The following ATP1A4 variants were observed in gnomAD, a reference collection of about 807,000 sequenced individuals.
ATP1A4 encodes ATPase Na+/K+ transporting subunit alpha 4, also known as sodium/potassium-transporting ATPase subunit alpha-4.
ATP1A4 carries 90 observed loss-of-function variants against 114.3 expected under a neutral mutation model. The ratio of observed to expected loss-of-function variants is 0.79; its 90% confidence interval spans 0.66 to 0.94. The LOEUF is 0.94. ATP1A4 is among the 40% of genes least tolerant of loss of function. The pLI is 0.00. For missense variants in ATP1A4, 1,222 were observed against 1,313.6 expected, an observed-to-expected ratio of 0.93 and a Z score of 1.08; for synonymous variants, 511 against 494.1, an observed-to-expected ratio of 1.03 and a Z score of -0.45.
intron 5 of ATP1A4, 82 bp downstream of exon 5, chr1:160,159,218 T>A: frequency 9.8e-6 from 15 of 1,527,908 alleles, no homozygotes; most frequent in Non-Finnish European, 1.3e-5. Flanking sequence ...AGAGAAAGTA[T>A]AAGCTTATTA....
intron 6 of ATP1A4, among the ~76,000 whole-genome samples, chr1:160,162,644 A>T (rs1652901899): frequency 6.6e-6 from 1 of 152,168 alleles, no homozygotes; most frequent in Non-Finnish European, 1.5e-5. Flanking sequence ...TGCCAGTAGG[A>T]GCCTTCTCCC....
chr1:160,173,274 G>C (rs1369836463), intron 12 of ATP1A4, among the ~76,000 whole-genome samples: 1 of 152,186 alleles, frequency 6.6e-6, no homozygotes, highest in Non-Finnish European at 1.5e-5. Context: ...TTCTGTCTTT[G>C]CACTTAAGGA....
chr1:160,180,793 C>T (rs1653665534), intron 18 of ATP1A4, among the ~76,000 whole-genome samples: 1 of 140,940 alleles, frequency 7.1e-6, no homozygotes, highest in Non-Finnish European at 1.5e-5. Context: ...CGGCTCACTA[C>T]AAGCTCCGCC....
rs774769721 is a variant in ATP1A4, at chr1:160,174,110, G to C, written c.1992-1G>C. On this transcript the variant is annotated splice_acceptor_variant, in intron 13 of 21. Coordinates refer to ENST00000368081, the MANE Select transcript of ATP1A4 (RefSeq NM_144699.4). LOFTEE classifies it high-confidence loss of function. The stretch of plus-strand genomic sequence containing the variant: ...AGCCTTTTGAAATTATTTTCCCTCA[G>C]TGCTGCCAAAGCCATTGTGGTGCAT... 1 of 1,613,472 alleles carries C rather than the reference G, an allele frequency of 6.2e-7. No homozygotes were observed. The highest frequency in any genetic ancestry group is 1.7e-5 in the Admixed American group (1 of 59,916).
At chr1:160,171,228 A>G (rs1571025078) in intron 10 of ATP1A4, 23 bp from the exon 11 acceptor site, 1 of 1,598,634 alleles carries the variant, frequency 6.3e-7, no homozygotes. Context: ...CTGTCCCATC[A>G]GTGCTCCCTT....
At chr1:160,165,145 A>G (rs923086332) in intron 7 of ATP1A4, among the ~76,000 whole-genome samples, 1 of 152,160 alleles carries the variant, frequency 6.6e-6, no homozygotes, top group Non-Finnish European at 1.5e-5. Flanking sequence ...ACCTGTCTTG[A>G]TGATCACCTG....
intron 6 of ATP1A4, 84 bp from the exon 7 acceptor site, chr1:160,164,072 T>G: frequency 6.6e-7 from 1 of 1,515,512 alleles, no homozygotes. Context: ...AGAAGCTCTA[T>G]GTCAGGAAGT....
At chr1:160,171,810 T>C in intron 12 of ATP1A4, 53 bp downstream of exon 12, 1 of 1,580,218 alleles carries the variant, frequency 6.3e-7, no homozygotes, top group Non-Finnish European at 8.6e-7. Flanking sequence ...TTGAAGCATC[T>C]ACTAGAAGGC....
chr1:160,164,518 G>A, intron 7 of ATP1A4, 94 bp downstream of exon 7: 1 of 1,333,416 alleles, frequency 7.5e-7, no homozygotes, highest in Non-Finnish European at 1.0e-6. Context: ...AACCTTTCAA[G>A]TGCAGGGTCT....
At chr1:160,181,548 T>G (rs1446395590) in intron 18 of ATP1A4, 136 bp from the exon 19 acceptor site, 2 of 965,092 alleles carry the variant, frequency 2.1e-6, no homozygotes, top group African/African-American at 3.9e-5. Flanking sequence ...AGAGCGAGAC[T>G]TAGTCTCAAA....
chr1:160,182,401 T>G (rs1653737381), intron 20 of ATP1A4, among the ~76,000 whole-genome samples: 1 of 152,262 alleles, frequency 6.6e-6, no homozygotes, highest in African/African-American at 2.4e-5. Context: ...GTTGTACTTA[T>G]GCAAATATGT....
Position 160,176,579 on chromosome 1 carries a change from T to A in ATP1A4, c.2567T>A (p.Ile856Asn). Residue 856 changes from isoleucine to asparagine, a missense_variant, in exon 17 of 22, where the codon ATT (isoleucine) becomes AAT (asparagine). Coordinates refer to ENST00000368081, the MANE Select transcript of ATP1A4 (RefSeq NM_144699.4). ...KTDNLVNHRL[I>N]GMAYGQIGMI... ...GATAATCTGGTGAACCACCGTCTCA[T>A]TGGCATGGCCTATGGACAGATTGGT... 1 of 1,614,118 alleles carries A rather than the reference T, an allele frequency of 6.2e-7. No homozygotes were observed. Among genetic ancestry groups the A allele is most frequent in the African/African-American group, 1.3e-5 (1 of 75,040 alleles).
At chr1:160,180,896 A>G (rs1279139648) in intron 18 of ATP1A4, among the ~76,000 whole-genome samples, 2 of 151,414 alleles carry the variant, frequency 1.3e-5, no homozygotes, top group Non-Finnish European at 2.9e-5. Flanking sequence ...TTGTATTTTT[A>G]GTAGAGACGG....
Position 160,186,386 on chromosome 1 carries a change from CCGCT to C in ATP1A4, c.3061+21_3061+24del. ...CCGGATGGTGAGGCTCCCCTGGGCC[CCGCT>C]CTGACTGAGTGGTCACCAGCCCCCT... On this transcript the variant is annotated intron_variant, in intron 21 of 21. Coordinates refer to ENST00000368081, the MANE Select transcript of ATP1A4 (RefSeq NM_144699.4). 1 of 1,587,774 alleles carries C rather than the reference CCGCT, an allele frequency of 6.3e-7. No individual in the cohort carries two copies. The highest frequency in any genetic ancestry group is 8.6e-7 in the Non-Finnish European group (1 of 1,158,738).
In ATP1A4 at chr1:160,151,910, C is replaced by T; in HGVS notation, c.-131C>T. The T allele has an allele frequency of 9.8e-7, 1 of 1,022,554 alleles. No homozygotes were observed. The allele number at this position is 1,022,554 out of a possible 1,614,324, so 63.3% of individuals were successfully genotyped here. A position where few individuals can be genotyped will look rare whatever the true frequency, so the allele number is the denominator to read the frequency against. The stretch of plus-strand genomic sequence containing the variant: ...CTCCCTCCCTGCCTCTTTCTTTCTG[C>T]TCCCTCATTCTCTCCCCACCACTCT... On this transcript the variant is annotated 5_prime_UTR_variant, in exon 1 of 22. Transcript: ENST00000368081.
intron 12 of ATP1A4, among the ~76,000 whole-genome samples, chr1:160,173,065 A>C (rs1381730604): frequency 1.3e-5 from 2 of 152,188 alleles, no homozygotes; most frequent in African/African-American, 4.8e-5. Flanking sequence ...TGGCCTGGGT[A>C]TTCATCTTTG....
At position 160,166,632 on chromosome 1, in the gene ATP1A4, C is replaced by T. The variant is rs1402027488; in HGVS notation, c.1152C>T (p.Asp384=). The T allele has an allele frequency of 6.2e-7, 1 of 1,614,220 alleles. No individual in the cohort carries two copies. The highest frequency in any genetic ancestry group is 2.2e-5 in the East Asian group (1 of 44,878). Reference sequence around the variant, plus strand: ...GCTCCACGTCCACCATCTGCTCAGACAAGACGGGCACCCTCACCCAGAACC... The same window carrying T: ...GCTCCACGTCCACCATCTGCTCAGATAAGACGGGCACCCTCACCCAGAACC... ...TLGSTSTICS[D]KTGTLTQNRM... is the part of the protein sequence containing the mutation. Residue 384 remains aspartate (D), a synonymous_variant, in exon 8 of 22, where the codon GAC becomes GAT. Coordinates refer to ENST00000368081, the MANE Select transcript of ATP1A4 (RefSeq NM_144699.4).
chr1:160,161,027 T>C (rs1291866859), intron 6 of ATP1A4, among the ~76,000 whole-genome samples: 1 of 152,112 alleles, frequency 6.6e-6, no homozygotes, highest in African/African-American at 2.4e-5. Flanking sequence ...GGAAAGTGGA[T>C]GGTGGCATTT....
intron 20 of ATP1A4, 23 bp downstream of exon 20, chr1:160,182,054 G>T (rs749705333): frequency 5.0e-6 from 8 of 1,589,596 alleles, no homozygotes; most frequent in Non-Finnish European, 6.9e-6. Flanking sequence ...AGGGATGCAA[G>T]CAGGGGATGT....
Sources: gnomAD v4.1 joint callset for allele counts (sites outside exome capture counted in the v4.1 genomes callset) on GRCh38, gnomAD v4.1.1 for gene constraint, MANE v1.5 for transcripts, NCBI Gene and HGNC (gene_info 2026-07-23, HGNC 2026-07-21) for gene names.